ADCY2: variants seen among roughly 807,000 people sequenced by gnomAD.
ADCY2 encodes adenylate cyclase type 2.
A neutral mutation model predicts 125.2 loss-of-function variants in ADCY2; 31 were observed. The observed-to-expected ratio is 0.25, with a 90% CI of 0.19 to 0.33. ADCY2 has a LOEUF of 0.33. Ranked by LOEUF, ADCY2 falls within the 10% of genes least tolerant of loss-of-function variation. The pLI is 1.00. For missense variants in ADCY2, 904 were observed against 1,418.2 expected (o/e 0.64, Z 5.82); for synonymous variants, 512 against 548.4 (o/e 0.93, Z 0.93).
intron 2 of ADCY2, among the ~76,000 whole-genome samples, chr5:7,461,927 A>G (rs1012440138): frequency 2.0e-5 from 3 of 152,252 alleles, no homozygotes; most frequent in Non-Finnish European, 2.9e-5. Flanking sequence ...GGAAAGTCCT[A>G]TCATTCCTGA....
intron 24 of ADCY2, among the ~76,000 whole-genome samples, chr5:7,821,771 G>A (rs1472097150): frequency 1.3e-5 from 2 of 152,242 alleles, no homozygotes; most frequent in Admixed American, 6.5e-5. Context: ...GTGTGGAACT[G>A]GAGACAGTGT....
intron 3 of ADCY2, among the ~76,000 whole-genome samples, chr5:7,619,485 G>T (rs1381989654): frequency 6.6e-6 from 1 of 152,156 alleles, no homozygotes; most frequent in East Asian, 1.9e-4. Flanking sequence ...TATCATAAAG[G>T]ACTAAAAAAT....
intron 18 of ADCY2, among the ~76,000 whole-genome samples, chr5:7,773,820 G>T (rs770441430): frequency 9.2e-5 from 14 of 152,040 alleles, no homozygotes; most frequent in Non-Finnish European, 1.6e-4. Context: ...GTTTATAACC[G>T]GTTTCCTGTT....
intron 2 of ADCY2, among the ~76,000 whole-genome samples, chr5:7,519,983 G>T (rs772521670): frequency 2.0e-5 from 3 of 152,104 alleles, no homozygotes; most frequent in Non-Finnish European, 2.9e-5. Flanking sequence ...GCATGCATTC[G>T]CATCTTACTC....
At chr5:7,816,088 T>G (rs326154) in intron 22 of ADCY2, among the ~76,000 whole-genome samples, 3,338 of 152,324 alleles carry the variant, frequency 0.022, 139 homozygotes, top group African/African-American at 0.076. Flanking sequence ...TAAGCTCATT[T>G]TATCTTAATC....
At chr5:7,742,767 T>C (rs1742475035) in intron 14 of ADCY2, among the ~76,000 whole-genome samples, 1 of 152,122 alleles carries the variant, frequency 6.6e-6, no homozygotes, top group South Asian at 2.1e-4. Flanking sequence ...ATCCCATACG[T>C]TGTTTCTGGA....
chr5:7,681,255 G>A (rs560071745), intron 4 of ADCY2, among the ~76,000 whole-genome samples: 11 of 152,332 alleles, frequency 7.2e-5, no homozygotes, highest in African/African-American at 2.4e-4. Flanking sequence ...TTCCTGAAAA[G>A]TTGTTATGCA....
chr5:7,749,081 C>G (rs1560942048), intron 15 of ADCY2, among the ~76,000 whole-genome samples: 1 of 152,208 alleles, frequency 6.6e-6, no homozygotes, highest in Admixed American at 6.5e-5. Flanking sequence ...ACCAGCATGG[C>G]ACCAAAGTTG....
At chr5:7,425,898 T>G (rs1362181047) in intron 2 of ADCY2, among the ~76,000 whole-genome samples, 2 of 152,218 alleles carry the variant, frequency 1.3e-5, no homozygotes, top group African/African-American at 4.8e-5. Flanking sequence ...ATTTGTAGAA[T>G]GAGTTTGGGT....
At chr5:7,563,970 A>T (rs1426525024) in intron 3 of ADCY2, among the ~76,000 whole-genome samples, 1 of 152,222 alleles carries the variant, frequency 6.6e-6, no homozygotes, top group African/African-American at 2.4e-5. Context: ...ATCACTTCCC[A>T]TATGGAAATT....
Position 7,690,741 on chromosome 5 carries a change from A to G in ADCY2, c.771A>G (p.Lys257=). ...LLPAHIAMEM[K]AEIIQRLQGP... ...CGGCCCACATCGCCATGGAGATGAA[A>G]GCGGAGATCATCCAGAGGCTGCAGG... Residue 257 remains lysine (K), a synonymous_variant, in exon 5 of 25, where the codon AAA becomes AAG. Coordinates refer to ENST00000338316, the MANE Select transcript of ADCY2 (RefSeq NM_020546.3). 1.2e-6 allele frequency: 2 copies of G among 1,610,362 alleles called. No individual in the cohort carries two copies. Among genetic ancestry groups the G allele is most frequent in the Non-Finnish European group, 1.7e-6 (2 of 1,178,604 alleles).
At chr5:7,483,981 A>G (rs981827664) in intron 2 of ADCY2, among the ~76,000 whole-genome samples, 10 of 152,208 alleles carry the variant, frequency 6.6e-5, no homozygotes, top group Admixed American at 3.9e-4. Flanking sequence ...GATTGATACT[A>G]TCTCATCATC....
At position 7,707,802 on chromosome 5, in the gene ADCY2, G is replaced by A. The variant is rs1741308710; in HGVS notation, c.1365G>A (p.Gln455=). The change falls in exon 9 of 25, where the codon CAG becomes CAA. Residue 455 remains glutamine (Q), a synonymous_variant. Coordinates refer to ENST00000338316, the MANE Select transcript of ADCY2 (RefSeq NM_020546.3). ...DGDIRDPYLK[Q]HLVKTYFVIN... is the part of the protein sequence containing the mutation. ...ACATTAGGGACCCATATTTAAAACA[G>A]CACCTGGTGAAAACCTACTTTGTGA... 1 of 1,613,932 alleles carries A rather than the reference G, an allele frequency of 6.2e-7. No homozygotes were observed. The highest frequency in any genetic ancestry group is 8.5e-7 in the Non-Finnish European group (1 of 1,180,008).
At chr5:7,471,100 G>A (rs1482675074) in intron 2 of ADCY2, among the ~76,000 whole-genome samples, 1 of 151,318 alleles carries the variant, frequency 6.6e-6, no homozygotes, top group African/African-American at 2.4e-5. Context: ...TTTCAATTAG[G>A]GTTTATCTTT....
intron 2 of ADCY2, among the ~76,000 whole-genome samples, chr5:7,498,239 GTTTTTT>G (rs910360437): frequency 6.4e-5 from 4 of 62,114 alleles, no homozygotes; most frequent in South Asian, 6.4e-4. Context: ...TTCTTTTTTC[GTTTTTT>G]TTTTTTTTTT....
intron 2 of ADCY2, among the ~76,000 whole-genome samples, chr5:7,427,730 T>C (rs1304526014): frequency 6.6e-6 from 1 of 152,180 alleles, no homozygotes; most frequent in Admixed American, 6.5e-5. Flanking sequence ...GGTTAAGCCT[T>C]TGGCATATCT....
chr5:7,575,456 T>C (rs1022804580), intron 3 of ADCY2, among the ~76,000 whole-genome samples: 3 of 152,200 alleles, frequency 2.0e-5, no homozygotes, highest in Non-Finnish European at 4.4e-5. Flanking sequence ...ATTTTGGAAG[T>C]GCAGTGCTTT....
chr5:7,802,794 T>G lies in ADCY2; in HGVS notation c.2775+430T>G, dbSNP rs1744639224. Among the ~76,000 whole-genome samples, 1 of 152,208 alleles carries G rather than the reference T, an allele frequency of 6.6e-6. No individual in the cohort carries two copies. The highest frequency in any genetic ancestry group is 2.4e-5 in the African/African-American group (1 of 41,462). ...GGATGACATTTTCTTAAAATTATAA[T>G]CTGTATGGGGGGATAATACAACATA... On this transcript the variant is annotated intron_variant, in intron 21 of 24. Coordinates refer to ENST00000338316, the MANE Select transcript of ADCY2 (RefSeq NM_020546.3). This position sits in a 1 kb window ranked among gnomAD's most constrained non-coding sequence, Gnocchi z 4.6.
intron 7 of ADCY2, among the ~76,000 whole-genome samples, chr5:7,701,343 A>C (rs1434703817): frequency 6.6e-6 from 1 of 152,172 alleles, no homozygotes; most frequent in Non-Finnish European, 1.5e-5. Context: ...CATAATGTTT[A>C]AGTTAATCCA....
Sources: allele counts gnomAD v4.1 joint callset (sites outside exome capture counted in the v4.1 genomes callset), GRCh38; gene constraint gnomAD v4.1.1; non-coding constraint Gnocchi (gnomAD v3.1); transcripts MANE v1.5; gene names NCBI Gene and HGNC (gene_info 2026-07-23, HGNC 2026-07-21).